CCDC85A: variants seen among roughly 807,000 people sequenced by gnomAD.
CCDC85A encodes the protein coiled-coil domain-containing protein 85A.
CCDC85A carries 38 observed loss-of-function variants against 50.2 expected under a neutral mutation model. The ratio of observed to expected loss-of-function variants is 0.76; its 90% CI spans 0.58 to 0.99. The LOEUF (loss-of-function observed/expected upper bound fraction) is 0.99. CCDC85A is among the 50% of genes least tolerant of loss of function. CCDC85A has a pLI of 0.00. For missense variants in CCDC85A, 820 were observed against 742.0 expected, an observed-to-expected ratio of 1.11 and a Z score of -1.22; for synonymous variants, 366 against 301.4, an observed-to-expected ratio of 1.21 and a Z score of -2.22.
intron 3 of CCDC85A, among the ~76,000 whole-genome samples, chr2:56,364,123 G>A (rs1202412141): frequency 8.6e-5 from 13 of 151,994 alleles, no homozygotes. Context: ...TGTTTCCTAG[G>A]TATTGTTTAA....
At chr2:56,326,750 A>C (rs976590063) in intron 2 of CCDC85A, among the ~76,000 whole-genome samples, 1 of 152,124 alleles carries the variant, frequency 6.6e-6, no homozygotes, top group Non-Finnish European at 1.5e-5. Context: ...TTCTTTCATA[A>C]CTTTTTGACT....
intron 3 of CCDC85A, among the ~76,000 whole-genome samples, chr2:56,368,845 T>C (rs1346593755): frequency 6.6e-6 from 1 of 151,924 alleles, no homozygotes; most frequent in Admixed American, 6.6e-5. Flanking sequence ...TGTACATATA[T>C]GTATATGTAT....
chr2:56,269,813 A>G (rs959303970), intron 2 of CCDC85A, among the ~76,000 whole-genome samples: 10 of 152,176 alleles, frequency 6.6e-5, no homozygotes, highest in African/African-American at 2.2e-4. Context: ...TAGAGTTAAC[A>G]TCCATTTCCT....
intron 2 of CCDC85A, among the ~76,000 whole-genome samples, chr2:56,342,277 C>T (rs1458288996): frequency 6.6e-6 from 1 of 151,350 alleles, no homozygotes; most frequent in Non-Finnish European, 1.5e-5. Flanking sequence ...TTGTGGAAAA[C>T]GATTTGACTT....
chr2:56,345,079 T>C (rs941507216), intron 3 of CCDC85A, among the ~76,000 whole-genome samples: 4 of 152,218 alleles, frequency 2.6e-5, no homozygotes, highest in African/African-American at 2.4e-5. Flanking sequence ...TACATAGTAC[T>C]TGCATAGTTA....
At chr2:56,316,701 G>A (rs181365661) in intron 2 of CCDC85A, among the ~76,000 whole-genome samples, 1 of 152,224 alleles carries the variant, frequency 6.6e-6, no homozygotes, top group Non-Finnish European at 1.5e-5. Context: ...GTTCTGTGAA[G>A]TATACTCTTA....
At chr2:56,201,845 C>G (rs1448977966) in intron 2 of CCDC85A, among the ~76,000 whole-genome samples, 1 of 152,140 alleles carries the variant, frequency 6.6e-6, no homozygotes, top group East Asian at 1.9e-4. Flanking sequence ...GAACTTAAAG[C>G]CATAAAGTAT....
chr2:56,384,156 C>G, intron 5 of CCDC85A, 110 bp from the exon 6 acceptor site: 1 of 900,538 alleles, frequency 1.1e-6, no homozygotes, highest in Non-Finnish European at 1.7e-6. Flanking sequence ...GATATTTTGT[C>G]TCTTGTCTTT....
chr2:56,354,506 C>T (rs1050387007), intron 3 of CCDC85A, among the ~76,000 whole-genome samples: 3 of 152,192 alleles, frequency 2.0e-5, no homozygotes, highest in Admixed American at 1.3e-4. Context: ...CTGAAATAGC[C>T]ACTAAGAAGT....
At position 56,184,540 on chromosome 2, in the gene CCDC85A, G is replaced by A. The variant is rs1166050593; in HGVS notation, c.-85G>A. 2.3e-6 allele frequency: 3 copies of A among 1,332,886 alleles called. No homozygotes were observed. The highest frequency in any genetic ancestry group is 3.1e-5 in the East Asian group (1 of 32,070). The allele number at this position is 1,332,886 out of a possible 1,614,324, so 82.6% of individuals were successfully genotyped here. On this transcript the variant is annotated 5_prime_UTR_variant, in exon 1 of 6. Transcript: ENST00000407595. The stretch of plus-strand genomic sequence containing the variant: ...GACTCGCCGGAGCGCACAGGGGTGT[G>A]GGCGGAGGCGGCCTCGCCGCGCCCG...
intron 2 of CCDC85A, among the ~76,000 whole-genome samples, chr2:56,259,873 A>G (rs748142870): frequency 6.6e-6 from 1 of 152,186 alleles, no homozygotes; most frequent in Non-Finnish European, 1.5e-5. Context: ...ACAGAATGCT[A>G]AACTTCTCAT....
chr2:56,261,164 A>G (rs1670201283), intron 2 of CCDC85A, among the ~76,000 whole-genome samples: 1 of 152,220 alleles, frequency 6.6e-6, no homozygotes, highest in African/African-American at 2.4e-5. Context: ...AGTGGGGATA[A>G]TGAAACCTCC....
intron 5 of CCDC85A, among the ~76,000 whole-genome samples, chr2:56,382,334 A>G (rs887219988): frequency 6.6e-6 from 1 of 151,980 alleles, no homozygotes; most frequent in Non-Finnish European, 1.5e-5. Context: ...TTGGGACCAC[A>G]GAAGTTTTGC....
At chr2:56,248,342 G>A (rs1009069163) in intron 2 of CCDC85A, among the ~76,000 whole-genome samples, 2 of 152,136 alleles carry the variant, frequency 1.3e-5, no homozygotes, top group Non-Finnish European at 2.9e-5. Flanking sequence ...CCCTGGCATC[G>A]TAACCAGGGG....
intron 3 of CCDC85A, among the ~76,000 whole-genome samples, chr2:56,349,078 G>T (rs1283382609): frequency 6.6e-6 from 1 of 152,172 alleles, no homozygotes; most frequent in Non-Finnish European, 1.5e-5. Flanking sequence ...CACTCCTGAA[G>T]AGAAACTTGT....
chr2:56,346,105 T>C (rs946066544), intron 3 of CCDC85A, among the ~76,000 whole-genome samples: 3 of 152,228 alleles, frequency 2.0e-5, no homozygotes, highest in African/African-American at 7.2e-5. Flanking sequence ...AGACTAATTA[T>C]GTAAAGCACT....
intron 2 of CCDC85A, among the ~76,000 whole-genome samples, chr2:56,336,491 C>T (rs1466052030): frequency 6.6e-6 from 1 of 152,128 alleles, no homozygotes; most frequent in South Asian, 2.1e-4. Context: ...TAGTTTGTGT[C>T]AGAATGGACC....
intron 2 of CCDC85A, among the ~76,000 whole-genome samples, chr2:56,276,590 G>A (rs937174809): frequency 6.6e-6 from 1 of 152,058 alleles, no homozygotes; most frequent in Non-Finnish European, 1.5e-5. Flanking sequence ...CCGCTGCCAC[G>A]TGAGATGTGC....
intron 2 of CCDC85A, among the ~76,000 whole-genome samples, chr2:56,216,453 T>A (rs1677396934): frequency 6.6e-6 from 1 of 151,772 alleles, no homozygotes; most frequent in African/African-American, 2.4e-5. Flanking sequence ...AGTATTTCAT[T>A]TAAGTTTTAA....
Sources: allele counts gnomAD v4.1 joint callset (sites outside exome capture counted in the v4.1 genomes callset), GRCh38; gene constraint gnomAD v4.1.1; transcripts MANE v1.5; gene names NCBI Gene and HGNC (gene_info 2026-07-23, HGNC 2026-07-21).